The following UBE3C variants were observed in gnomAD, a reference collection of about 807,000 sequenced individuals.
The protein encoded by UBE3C is ubiquitin-protein ligase E3C.
Under a neutral mutation model 129.4 loss-of-function variants are expected in UBE3C, and 42 were observed. The ratio of observed to expected loss-of-function variants is 0.32; its 90% CI spans 0.25 to 0.42. The LOEUF (loss-of-function observed/expected upper bound fraction) is 0.42, where lower values mean the gene tolerates loss of function less well. Ranked by LOEUF, UBE3C falls within the 10% of genes least tolerant of loss-of-function variation. The pLI, the probability that UBE3C is intolerant of heterozygous loss-of-function variation, is 1.00. For synonymous variants in UBE3C, 510 were observed against 492.4 expected, an observed-to-expected ratio of 1.04 and a Z score of -0.47; for missense variants, 1,049 against 1,319.1, an observed-to-expected ratio of 0.80 and a Z score of 3.17.
chr7:157,229,984 C>T (rs1795980098), intron 17 of UBE3C, among the ~76,000 whole-genome samples: 1 of 151,928 alleles, frequency 6.6e-6, no homozygotes, highest in Non-Finnish European at 1.5e-5. Context: ...TCTTGGCTTA[C>T]TGCAACCTCT....
At chr7:157,173,862 A>T (rs560157583) in intron 4 of UBE3C, among the ~76,000 whole-genome samples, 1 of 152,356 alleles carries the variant, frequency 6.6e-6, no homozygotes, top group African/African-American at 2.4e-5. Context: ...GCCTGTGTGT[A>T]GGCAAATTAA....
intron 7 of UBE3C, 50 bp from the exon 8 acceptor site, chr7:157,182,058 A>G (rs371060403): frequency 6.8e-7 from 1 of 1,477,294 alleles, no homozygotes; most frequent in East Asian, 2.3e-5. Flanking sequence ...CAGTGATTGG[A>G]TGGACAGTAT....
rs890291807 is a variant in UBE3C, at chr7:157,162,604, A to G, written c.67-1206A>G. On this transcript the variant is annotated intron_variant, in intron 1 of 22. Coordinates refer to ENST00000348165, the MANE Select transcript of UBE3C (RefSeq NM_014671.3). ...ACTCAGGCTGGAGAGTGGTAGCTCA[A>G]TCCTGGCTCACTGCAGCCTTGACCT... Among the ~76,000 whole-genome samples, 12 of 151,638 alleles carry G rather than the reference A, an allele frequency of 7.9e-5. No individual in the cohort carries two copies. In the East Asian group the frequency reaches 1.2e-3, roughly 15 times the overall value.
At chr7:157,243,548 G>A (rs1796399927) in intron 18 of UBE3C, among the ~76,000 whole-genome samples, 1 of 152,224 alleles carries the variant, frequency 6.6e-6, no homozygotes, top group Non-Finnish European at 1.5e-5. Context: ...TGGAGTATTA[G>A]AGTGAGGCCC....
intron 10 of UBE3C, chr7:157,192,952 G>A (rs1809014473): frequency 5.0e-6 from 3 of 605,912 alleles, no homozygotes; most frequent in Non-Finnish European, 2.9e-6. Context: ...TGTAGCATGA[G>A]GGAAAGTATG....
chr7:157,227,528 C>T (rs902401847), intron 17 of UBE3C, among the ~76,000 whole-genome samples: 5 of 150,094 alleles, frequency 3.3e-5, no homozygotes, highest in African/African-American at 1.3e-4. Context: ...GCAACCCTGT[C>T]TCTACTAAAA....
intron 21 of UBE3C, 95 bp downstream of exon 21, chr7:157,254,405 T>A: frequency 2.6e-6 from 2 of 772,572 alleles, no homozygotes; most frequent in East Asian, 4.2e-5. Context: ...TTTATTTATT[T>A]TTTTTTTTTC....
At chr7:157,188,363 A>G (rs1808866416) in intron 10 of UBE3C, among the ~76,000 whole-genome samples, 1 of 152,254 alleles carries the variant, frequency 6.6e-6, no homozygotes, top group Non-Finnish European at 1.5e-5. Context: ...AATGTGGCCA[A>G]CTAATGAGGT....
At chr7:157,205,476 G>A (rs908671645) in intron 11 of UBE3C, among the ~76,000 whole-genome samples, 2 of 152,184 alleles carry the variant, frequency 1.3e-5, no homozygotes, top group African/African-American at 4.8e-5. Flanking sequence ...ACAGTGGAAA[G>A]CAGGCTCATC....
intron 4 of UBE3C, among the ~76,000 whole-genome samples, chr7:157,173,339 G>A (rs1362256297): frequency 6.6e-6 from 1 of 152,190 alleles, no homozygotes; most frequent in Non-Finnish European, 1.5e-5. Flanking sequence ...TCCTGCGACT[G>A]CACTCCAGCC....
At chr7:157,204,398 CAAAA>C (rs35298527) in intron 11 of UBE3C, among the ~76,000 whole-genome samples, 5 of 86,354 alleles carry the variant, frequency 5.8e-5, no homozygotes, top group South Asian at 8.3e-4. Flanking sequence ...AACTTTGTTT[CAAAA>C]AAAAAAAAAA....
chr7:157,237,857 G>A (rs1796192421), intron 18 of UBE3C, among the ~76,000 whole-genome samples: 1 of 151,358 alleles, frequency 6.6e-6, no homozygotes, highest in Admixed American at 6.6e-5. Context: ...ACCATCCTAG[G>A]CATACATAGG....
chr7:157,260,165 T>C (rs1796861416), intron 22 of UBE3C, among the ~76,000 whole-genome samples: 1 of 147,104 alleles, frequency 6.8e-6, no homozygotes, highest in African/African-American at 2.5e-5. Flanking sequence ...ACCAACTCTG[T>C]TTACCAGATA....
intron 1 of UBE3C, among the ~76,000 whole-genome samples, chr7:157,161,223 A>C (rs180708262): frequency 6.6e-6 from 1 of 152,342 alleles, no homozygotes; most frequent in Non-Finnish European, 1.5e-5. Flanking sequence ...TTAATGTAGA[A>C]GTGAGTAAGA....
At chr7:157,142,845 A>G (rs545386810) in intron 1 of UBE3C, among the ~76,000 whole-genome samples, 3 of 148,928 alleles carry the variant, frequency 2.0e-5, no homozygotes, top group South Asian at 2.1e-4. Flanking sequence ...ACTCTAAAAT[A>G]AAAGTTGAAT....
intron 18 of UBE3C, among the ~76,000 whole-genome samples, chr7:157,237,921 G>A (rs1399233780): frequency 2.0e-5 from 3 of 151,798 alleles, no homozygotes; most frequent in Non-Finnish European, 4.4e-5. Context: ...GCATGGTGGT[G>A]TGTGTCTGTA....
intron 13 of UBE3C, 51 bp downstream of exon 13, chr7:157,207,986 C>T (rs1554430614): frequency 1.8e-6 from 2 of 1,102,862 alleles, no homozygotes; most frequent in Non-Finnish European, 2.3e-6. Context: ...AATGTACAAA[C>T]TTTTGTCTTG....
At chr7:157,202,142 G>A (rs981739012) in intron 11 of UBE3C, among the ~76,000 whole-genome samples, 5 of 152,186 alleles carry the variant, frequency 3.3e-5, no homozygotes, top group African/African-American at 9.7e-5. Context: ...CAGATTTGAA[G>A]TAAATTAAAG....
chr7:157,256,853 G>A, intron 21 of UBE3C, 61 bp from the exon 22 acceptor site: 1 of 1,602,282 alleles, frequency 6.2e-7, no homozygotes, highest in South Asian at 1.1e-5. Context: ...ACCAATCCCT[G>A]TGGGTCCTGA....
Sources: gnomAD v4.1 joint callset for allele counts (sites outside exome capture counted in the v4.1 genomes callset) on GRCh38, gnomAD v4.1.1 for gene constraint, MANE v1.5 for transcripts, NCBI Gene and HGNC (gene_info 2026-07-23, HGNC 2026-07-21) for gene names.